The following ERICH6B variants were observed in gnomAD, a reference collection of about 807,000 sequenced individuals.
ERICH6B encodes the protein glutamate rich 6B.
ERICH6B carries 69 observed loss-of-function variants against 80.0 expected under a neutral mutation model. That is an observed-to-expected ratio of 0.86 (90% CI 0.71 to 1.05). The LOEUF is 1.05. ERICH6B is among the 50% of genes least tolerant of loss of function. The pLI is 0.00. For missense variants in ERICH6B, 754 were observed against 796.1 expected, an observed-to-expected ratio of 0.95 and a Z score of 0.64; for synonymous variants, 283 against 291.9, an observed-to-expected ratio of 0.97 and a Z score of 0.31.
At chr13:45,543,329 C>G (rs1566282333) in intron 14 of ERICH6B, among the ~76,000 whole-genome samples, 1 of 152,108 alleles carries the variant, frequency 6.6e-6, no homozygotes, top group African/African-American at 2.4e-5. Context: ...AACTGTGTCC[C>G]CCAAAAGTGA....
chr13:45,567,285 A>C (rs1207112411), intron 9 of ERICH6B, among the ~76,000 whole-genome samples: 1 of 152,218 alleles, frequency 6.6e-6, no homozygotes, highest in Non-Finnish European at 1.5e-5. Context: ...TAATGCTGAA[A>C]TGAGTTAAGA....
Position 45,587,166 on chromosome 13 carries a change from AG to A in ERICH6B, c.752del (p.Pro251LeufsTer16). On this transcript the variant is annotated frameshift_variant, in exon 5 of 15. Transcript: ENST00000298738. LOFTEE classifies it high-confidence loss of function. The stretch of plus-strand genomic sequence containing the variant: ...CTGTGGCAGATTCAGAGACAGGAGA[AG>A]GGGTAGCGAAAGTCAACGGGACAGT... Reference protein sequence around the residue: ...FLTVPLTFATPSPVSESATES... With the variant: ...FLTVPLTFATXSPVSESATES... 1 of 1,551,672 alleles carries A rather than the reference AG, an allele frequency of 6.4e-7. No individual in the cohort carries two copies. The highest frequency in any genetic ancestry group is 1.7e-4 in the Middle Eastern group (1 of 5,992).
At chr13:45,604,190 T>C (rs1021016061) in intron 2 of ERICH6B, among the ~76,000 whole-genome samples, 6 of 152,250 alleles carry the variant, frequency 3.9e-5, no homozygotes, top group Non-Finnish European at 7.3e-5. Context: ...TCTGTGAGGA[T>C]GTTTGGAGCA....
intron 8 of ERICH6B, among the ~76,000 whole-genome samples, chr13:45,571,798 T>C (rs1188564300): frequency 6.6e-6 from 1 of 152,116 alleles, no homozygotes; most frequent in Non-Finnish European, 1.5e-5. Flanking sequence ...AGGGGAAATG[T>C]GGACATAGAG....
At chr13:45,545,791 C>G (rs751813065) in intron 13 of ERICH6B, among the ~76,000 whole-genome samples, 6 of 152,136 alleles carry the variant, frequency 3.9e-5, no homozygotes, top group Non-Finnish European at 7.3e-5. Context: ...TGCAGGAGAG[C>G]TGAGCAGAAG....
Position 45,561,373 on chromosome 13 carries a change from GTCT to G in ERICH6B, c.1400_1402del (p.Lys467del). ...GCAATGTACTGTCCCTCTTACCACTGTCTTCTTCTGTATCCATTCCTTATCTCG... is the reference window on the plus strand; with the variant it reads ...GCAATGTACTGTCCCTCTTACCACTGTCTTCTGTATCCATTCCTTATCTCG... On this transcript the variant is annotated inframe_deletion, in exon 11 of 15. Coordinates refer to ENST00000298738, the MANE Select transcript of ERICH6B (RefSeq NM_182542.3). 2 of 1,552,088 alleles carry G rather than the reference GTCT, an allele frequency of 1.3e-6. No homozygotes were observed. Among genetic ancestry groups the G allele is most frequent in the East Asian group, 2.4e-5 (1 of 40,926 alleles).
chr13:45,591,806 T>C (rs1206925251), intron 3 of ERICH6B, among the ~76,000 whole-genome samples: 4 of 152,122 alleles, frequency 2.6e-5, no homozygotes, highest in Non-Finnish European at 5.9e-5. Context: ...AAATCACTTA[T>C]GTGTGAATTA....
chr13:45,553,093 T>C, intron 11 of ERICH6B: 1 of 336,500 alleles, frequency 3.0e-6, no homozygotes, highest in East Asian at 9.4e-5. Context: ...AAGACATTCC[T>C]TAAACTGTTT....
At chr13:45,611,807 T>C (rs548960897) in intron 1 of ERICH6B, among the ~76,000 whole-genome samples, 4 of 152,144 alleles carry the variant, frequency 2.6e-5, no homozygotes, top group Non-Finnish European at 5.9e-5. Context: ...ACTGTAATAA[T>C]AAGGATAACA....
At chr13:45,604,279 T>G (rs554697732) in intron 2 of ERICH6B, among the ~76,000 whole-genome samples, 53 of 152,372 alleles carry the variant, frequency 3.5e-4, no homozygotes, top group African/African-American at 1.2e-3. Flanking sequence ...AAATAATTTT[T>G]CATTGACTGC....
At chr13:45,566,147 G>C (rs1874902811) in intron 9 of ERICH6B, among the ~76,000 whole-genome samples, 1 of 152,190 alleles carries the variant, frequency 6.6e-6, no homozygotes, top group South Asian at 2.1e-4. Context: ...ATTTAGTGTA[G>C]CTGGTGGAAG....
chr13:45,599,351 A>T (rs1459096362), intron 2 of ERICH6B, among the ~76,000 whole-genome samples: 2 of 152,202 alleles, frequency 1.3e-5, no homozygotes, highest in Admixed American at 1.3e-4. Context: ...AAAACCCATC[A>T]TGAAGCATTT....
Position 45,596,510 on chromosome 13 carries a change from C to T in ERICH6B, c.496G>A (p.Glu166Lys), listed in dbSNP as rs934564964. ...GATTTCTTCCCCAGATACTCCTCCT[C>T]CTCCAGATACGCTTTCTTCCCCAGA... ...DYLGKKAYLE[E>K]EEYLGKKSYL... The change falls in exon 3 of 15, where the codon GAG becomes AAG. Residue 166 changes from glutamate to lysine, a missense_variant. Glu to Lys is a moderately conservative substitution (Grantham distance 56, BLOSUM62 1). Transcript: ENST00000298738. 5 of 1,551,784 alleles carry T rather than the reference C, an allele frequency of 3.2e-6. No homozygotes were observed. Among genetic ancestry groups the T allele is most frequent in the Non-Finnish European group, 4.4e-6 (5 of 1,146,686 alleles).
chr13:45,582,757 A>G (rs1207566427), intron 5 of ERICH6B, among the ~76,000 whole-genome samples: 2 of 152,142 alleles, frequency 1.3e-5, no homozygotes, highest in Admixed American at 6.5e-5. Context: ...CCCACCTAAT[A>G]TATCTCTATC....
chr13:45,587,711 G>A (rs376373445), intron 4 of ERICH6B, among the ~76,000 whole-genome samples: 88 of 152,346 alleles, frequency 5.8e-4, no homozygotes, highest in African/African-American at 2.1e-3. Context: ...CAAAGGGCCT[G>A]AGGGCGGGGC....
At chr13:45,574,811 G>GC (rs1875314859) in intron 8 of ERICH6B, 31 bp downstream of exon 8, 1 of 1,487,352 alleles carries the variant, frequency 6.7e-7, no homozygotes, top group African/African-American at 1.5e-5. Flanking sequence ...AGGAAGCTGG[G>GC]GGGGGGGTCT....
chr13:45,568,098 A>G (rs1170828887), intron 9 of ERICH6B, among the ~76,000 whole-genome samples: 1 of 152,030 alleles, frequency 6.6e-6, no homozygotes, highest in East Asian at 1.9e-4. Context: ...CTTGCTCTTG[A>G]GTTTGATTTT....
intron 6 of ERICH6B, 66 bp from the exon 7 acceptor site, chr13:45,580,040 C>A (rs1875591409): frequency 7.9e-7 from 1 of 1,266,912 alleles, no homozygotes; most frequent in South Asian, 1.3e-5. Flanking sequence ...ACCTTTTAAT[C>A]CCTTATGGAA....
At chr13:45,564,164 C>G (rs1874817005) in intron 9 of ERICH6B, among the ~76,000 whole-genome samples, 1 of 152,206 alleles carries the variant, frequency 6.6e-6, no homozygotes, top group Non-Finnish European at 1.5e-5. Flanking sequence ...TTGTCTATAT[C>G]CCAGTGAAAC....
Sources: allele counts gnomAD v4.1 joint callset (sites outside exome capture counted in the v4.1 genomes callset), GRCh38; gene constraint gnomAD v4.1.1; transcripts MANE v1.5; gene names NCBI Gene and HGNC (gene_info 2026-07-23, HGNC 2026-07-21).